The following PTPRN2 variants were observed in gnomAD, a reference collection of about 807,000 sequenced individuals.
PTPRN2 encodes protein tyrosine phosphatase receptor type N2.
A neutral mutation model predicts 118.8 loss-of-function variants in PTPRN2; 74 were observed. The ratio of observed to expected loss-of-function variants is 0.62; its 90% confidence interval spans 0.52 to 0.76. PTPRN2 has a LOEUF of 0.76. Ranked by LOEUF, PTPRN2 falls within the 30% of genes least tolerant of loss-of-function variation. The pLI is 0.00. For missense variants in PTPRN2, 1,481 were observed against 1,394.4 expected, an observed-to-expected ratio of 1.06 and a Z score of -0.99; for synonymous variants, 641 against 608.0, an observed-to-expected ratio of 1.05 and a Z score of -0.80.
chr7:158,306,447 G>A lies in PTPRN2; in HGVS notation c.277+10372C>T, dbSNP rs143405561. On this transcript the variant is annotated intron_variant, in intron 3 of 22. Transcript: ENST00000389418. The stretch of plus-strand genomic sequence containing the variant: ...AGAGCTGTGAACTGCCTGTCTGATG[G>A]CTGAAGGTATGCCCCACACTCACAC... Among the ~76,000 whole-genome samples, 39 of 152,318 alleles carry A rather than the reference G, an allele frequency of 2.6e-4. No individual in the cohort carries two copies. The East Asian group carries it at 7.0e-3, about 27-fold the overall frequency.
chr7:158,040,390 C>T (rs528496466), intron 11 of PTPRN2, among the ~76,000 whole-genome samples: 32 of 140,634 alleles, frequency 2.3e-4, no homozygotes, highest in Non-Finnish European at 3.0e-4. Context: ...TACACATGTG[C>T]ACACACTTCA....
rs931012546 is a variant in PTPRN2 at position 157,986,960 on chromosome 7, G to A, written c.1724-88223C>T. On this transcript the variant is annotated intron_variant, in intron 11 of 22. Coordinates refer to ENST00000389418, the MANE Select transcript of PTPRN2 (RefSeq NM_002847.5). The surrounding 1 kb of genome is among the most constrained non-coding windows in gnomAD (Gnocchi z 4.5). Reference sequence around the variant, plus strand: ...CAGCTATAGCCGCAGTGAGAGGGAGGCTGCTGGACACGCTGGGGTTCACCT... The same window carrying A: ...CAGCTATAGCCGCAGTGAGAGGGAGACTGCTGGACACGCTGGGGTTCACCT... 6.6e-6 allele frequency among the ~76,000 whole-genome samples: 1 copy of A among 152,160 alleles called. No homozygotes were observed. Among genetic ancestry groups the A allele is most frequent in the African/African-American group, 2.4e-5 (1 of 41,432 alleles).
At chr7:157,854,015 C>T (rs1584873359) in intron 12 of PTPRN2, among the ~76,000 whole-genome samples, 1 of 152,326 alleles carries the variant, frequency 6.6e-6, no homozygotes, top group South Asian at 2.1e-4. Context: ...TCTCCGAGGG[C>T]CTCAGAAGAA....
intron 4 of PTPRN2, among the ~76,000 whole-genome samples, chr7:158,196,589 T>C (rs750478551): frequency 4.6e-5 from 7 of 152,088 alleles, no homozygotes; most frequent in Non-Finnish European, 1.0e-4. Flanking sequence ...ATGAGGGGTC[T>C]TCCCAAGACC....
intron 5 of PTPRN2, among the ~76,000 whole-genome samples, chr7:158,191,387 T>C (rs1397708189): frequency 6.6e-6 from 1 of 152,130 alleles, no homozygotes; most frequent in African/African-American, 2.4e-5. Context: ...AACTAACGTT[T>C]GGCAGAAAAG....
chr7:157,706,528 C>G (rs1798337754), intron 12 of PTPRN2, among the ~76,000 whole-genome samples: 1 of 151,832 alleles, frequency 6.6e-6, no homozygotes, highest in Admixed American at 6.6e-5. Flanking sequence ...ATGCCGGGAA[C>G]TGAGCGAATC....
At chr7:158,154,666 G>A (rs1486771584) in intron 6 of PTPRN2, among the ~76,000 whole-genome samples, 1 of 152,000 alleles carries the variant, frequency 6.6e-6, no homozygotes, top group African/African-American at 2.4e-5. Flanking sequence ...CTTCAAAATG[G>A]AATAATAAAG....
In PTPRN2 at chr7:157,591,440, CAGG is replaced by C. The variant is rs1254546227; in HGVS notation, c.2496+3795_2496+3797del. ...CTGAGAATGGTCCAGAATGGGGATGCAGGAGGAGACGGTCACTCCAACTCAGCC... is the reference window on the plus strand; with the variant it reads ...CTGAGAATGGTCCAGAATGGGGATGCAGGAGACGGTCACTCCAACTCAGCC... On this transcript the variant is annotated intron_variant, in intron 17 of 22. Transcript: ENST00000389418. The surrounding 1 kb of genome is among the most constrained non-coding windows in gnomAD (Gnocchi z 4.4). Among the ~76,000 whole-genome samples the C allele has an allele frequency of 2.0e-5, 3 of 152,200 alleles. No homozygotes were observed. Among genetic ancestry groups the C allele is most frequent in the Non-Finnish European group, 2.9e-5 (2 of 68,038 alleles).
At chr7:157,558,988 A>G (rs1799041652) in intron 21 of PTPRN2, among the ~76,000 whole-genome samples, 1 of 152,276 alleles carries the variant, frequency 6.6e-6, no homozygotes, top group Non-Finnish European at 1.5e-5. Context: ...AAACGGAAGC[A>G]CAGGCCAAGG....
chr7:157,736,072 C>T (rs551867388), intron 12 of PTPRN2, among the ~76,000 whole-genome samples: 107 of 152,310 alleles, frequency 7.0e-4, no homozygotes, highest in African/African-American at 2.5e-3. Flanking sequence ...CCTGGTCCTG[C>T]CTGGGCGAGG....
intron 12 of PTPRN2, 83 bp downstream of exon 12, chr7:157,898,590 C>A: frequency 7.3e-7 from 1 of 1,369,926 alleles, no homozygotes; most frequent in Non-Finnish European, 1.0e-6. Flanking sequence ...ACCTGCAGGT[C>A]CAGCCTCTGT....
At position 158,553,770 on chromosome 7, in the gene PTPRN2, G is replaced by A. The variant is rs141224940; in HGVS notation, c.112+33788C>T. Among the ~76,000 whole-genome samples the A allele has an allele frequency of 9.2e-5, 14 of 152,182 alleles. No individual in the cohort carries two copies. In the East Asian group the frequency reaches 2.5e-3, roughly 27 times the overall value. ...CCTTCCTGTCTATACACAGGCTTGG[G>A]AGTCTACACCACCCTTCCTGCATTT... On this transcript the variant is annotated intron_variant, in intron 1 of 22. Transcript: ENST00000389418.
At chr7:158,475,653 C>T (rs73178269) in intron 2 of PTPRN2, among the ~76,000 whole-genome samples, 36,926 of 152,054 alleles carry the variant, frequency 0.24, 4,996 homozygotes, top group East Asian at 0.4. Flanking sequence ...GCTCACTCTC[C>T]AGCTTCCTTG....
chr7:157,702,802 C>T (rs1426217254), intron 12 of PTPRN2, among the ~76,000 whole-genome samples: 1 of 152,228 alleles, frequency 6.6e-6, no homozygotes, highest in African/African-American at 2.4e-5. Flanking sequence ...CGTCCTGCTG[C>T]TCCGCGCTGC....
intron 6 of PTPRN2, among the ~76,000 whole-genome samples, chr7:158,157,619 G>C (rs560660810): frequency 6.6e-6 from 1 of 152,356 alleles, no homozygotes; most frequent in South Asian, 2.1e-4. Flanking sequence ...CAGGTCCGAG[G>C]CTGCCAGCCA....
Position 157,748,255 on chromosome 7 carries a change from G to A in PTPRN2, c.1789-65318C>T, listed in dbSNP as rs150695442. On this transcript the variant is annotated intron_variant, in intron 12 of 22. Transcript: ENST00000389418. ...TGCGTCCCTGAGGTAGGAGCTGCCC[G>A]GGTGATTCTGAGGCCTGCGTCCCTG... 4.9e-4 allele frequency among the ~76,000 whole-genome samples: 70 copies of A among 142,648 alleles called. No homozygotes were observed. In the East Asian group the frequency reaches 0.014, roughly 28 times the overall value. The allele number at this position is 142,648 out of a possible 152,430, so 93.6% of individuals were successfully genotyped here.
intron 13 of PTPRN2, among the ~76,000 whole-genome samples, chr7:157,672,728 T>C (rs193226822): frequency 8.5e-5 from 13 of 152,384 alleles, no homozygotes; most frequent in Admixed American, 7.8e-4. Context: ...TTATCACTTG[T>C]AAACTCTTTT....
chr7:158,062,968 C>T (rs960847654), intron 11 of PTPRN2, among the ~76,000 whole-genome samples: 11 of 152,214 alleles, frequency 7.2e-5, no homozygotes, highest in East Asian at 1.9e-4. Flanking sequence ...TCACGGTGCA[C>T]GACTGGCAGG....
intron 1 of PTPRN2, among the ~76,000 whole-genome samples, chr7:158,490,297 A>G (rs1192007509): frequency 6.6e-6 from 1 of 152,140 alleles, no homozygotes; most frequent in Non-Finnish European, 1.5e-5. Context: ...GACGCAGGAG[A>G]GGGTCGGGAG....
Sources: allele counts gnomAD v4.1 joint callset (sites outside exome capture counted in the v4.1 genomes callset), GRCh38; gene constraint gnomAD v4.1.1; non-coding constraint Gnocchi (gnomAD v3.1); transcripts MANE v1.5; gene names NCBI Gene and HGNC (gene_info 2026-07-23, HGNC 2026-07-21).